GRID2: variants seen among roughly 807,000 people sequenced by gnomAD.
GRID2 encodes the protein glutamate ionotropic receptor delta type subunit 2.
GRID2 carries 33 observed loss-of-function variants against 114.8 expected under a neutral mutation model. That is an observed-to-expected ratio of 0.29 (90% CI 0.22 to 0.38). The LOEUF is 0.38. GRID2 is among the 10% of genes least tolerant of loss of function. The pLI is 1.00. For missense variants in GRID2, 1,184 were observed against 1,257.7 expected (o/e 0.94, Z 0.89); for synonymous variants, 505 against 449.9 (o/e 1.12, Z -1.55).
At chr4:93,415,345 T>C (rs1238797509) in intron 9 of GRID2, among the ~76,000 whole-genome samples, 1 of 152,146 alleles carries the variant, frequency 6.6e-6, no homozygotes, top group Non-Finnish European at 1.5e-5. Flanking sequence ...TGCATGTGGA[T>C]AGACACATGT....
At chr4:93,435,304 T>G (rs566754533) in intron 10 of GRID2, among the ~76,000 whole-genome samples, 1 of 152,332 alleles carries the variant, frequency 6.6e-6, no homozygotes, top group African/African-American at 2.4e-5. Flanking sequence ...CTCATTGCTC[T>G]TTAATAAAAT....
At chr4:92,959,433 T>G (rs1302122053) in intron 2 of GRID2, among the ~76,000 whole-genome samples, 1 of 151,962 alleles carries the variant, frequency 6.6e-6, no homozygotes, top group Non-Finnish European at 1.5e-5. Flanking sequence ...TGTTAAGATG[T>G]CTTCTTTGAC....
intron 14 of GRID2, among the ~76,000 whole-genome samples, chr4:93,702,921 A>C (rs1198279667): frequency 1.3e-5 from 2 of 152,102 alleles, no homozygotes; most frequent in African/African-American, 4.8e-5. Flanking sequence ...CAAGGAGAGG[A>C]ATAAAGAGTG....
At chr4:92,444,971 A>G (rs988233907) in intron 1 of GRID2, among the ~76,000 whole-genome samples, 11 of 152,116 alleles carry the variant, frequency 7.2e-5, no homozygotes, top group African/African-American at 2.4e-4. Flanking sequence ...CACGTATGCC[A>G]TATTTGTTTG....
At chr4:93,004,400 A>T (rs919931509) in intron 2 of GRID2, among the ~76,000 whole-genome samples, 3 of 151,906 alleles carry the variant, frequency 2.0e-5, no homozygotes, top group African/African-American at 7.2e-5. Context: ...CAGCCTAGCT[A>T]TATCTGTGCC....
intron 1 of GRID2, among the ~76,000 whole-genome samples, chr4:92,483,078 G>A (rs936182039): frequency 6.6e-6 from 1 of 152,102 alleles, no homozygotes; most frequent in South Asian, 2.1e-4. Flanking sequence ...AGTGGCTCAC[G>A]CTTGTAATCT....
At chr4:92,557,893 C>T (rs1047696438) in intron 1 of GRID2, among the ~76,000 whole-genome samples, 2 of 152,004 alleles carry the variant, frequency 1.3e-5, no homozygotes, top group Admixed American at 1.3e-4. Flanking sequence ...AACTTTTATG[C>T]CTTGACATTA....
At chr4:92,698,546 A>T (rs1393395069) in intron 2 of GRID2, among the ~76,000 whole-genome samples, 15 of 152,044 alleles carry the variant, frequency 9.9e-5, no homozygotes, top group Non-Finnish European at 2.1e-4. Flanking sequence ...TATATAATAT[A>T]TGCTCTTTAT....
chr4:92,690,587 G>A (rs530891378), intron 2 of GRID2, among the ~76,000 whole-genome samples: 311 of 152,240 alleles, frequency 2.0e-3, no homozygotes, highest in Middle Eastern at 3.4e-3. Context: ...TTTGCTTGAC[G>A]CAGGGTTGCC....
At chr4:93,687,731 T>C (rs547104298) in intron 14 of GRID2, among the ~76,000 whole-genome samples, 9 of 152,034 alleles carry the variant, frequency 5.9e-5, no homozygotes, top group African/African-American at 1.9e-4. Flanking sequence ...TTTAGGAGAA[T>C]TGTAGAAGAG....
At chr4:92,483,272 A>AG (rs1281308255) in intron 1 of GRID2, among the ~76,000 whole-genome samples, 1 of 152,154 alleles carries the variant, frequency 6.6e-6, no homozygotes, top group African/African-American at 2.4e-5. Flanking sequence ...TGAGAGGCAG[A>AG]GGTTGCAGTG....
At position 92,473,064 on chromosome 4, in the gene GRID2, G is replaced by C. The variant is rs762430863; in HGVS notation, c.89-117067G>C. Among the ~76,000 whole-genome samples the C allele has an allele frequency of 4.6e-5, 7 of 151,958 alleles. No homozygotes were observed. The East Asian group carries it at 1.2e-3, about 25-fold the overall frequency. On this transcript the variant is annotated intron_variant, in intron 1 of 15. Coordinates refer to ENST00000282020, the MANE Select transcript of GRID2 (RefSeq NM_001510.4). ...AATGTTTAGCTCTGTGAATGATTTTGGGTTATTTTTGCATATCTTATGAGT... is the reference window on the plus strand; with the variant it reads ...AATGTTTAGCTCTGTGAATGATTTTCGGTTATTTTTGCATATCTTATGAGT...
chr4:92,517,574 G>A (rs760245714), intron 1 of GRID2, among the ~76,000 whole-genome samples: 59 of 151,880 alleles, frequency 3.9e-4, no homozygotes, highest in African/African-American at 9.6e-5. Context: ...TCCTTTTAAC[G>A]TATATGAACA....
intron 12 of GRID2, among the ~76,000 whole-genome samples, chr4:93,493,436 G>A (rs565742194): frequency 3.4e-4 from 51 of 151,908 alleles, no homozygotes; most frequent in African/African-American, 1.1e-3. Context: ...AAGAAACAGA[G>A]TTTGGAAGAT....
intron 1 of GRID2, among the ~76,000 whole-genome samples, chr4:92,469,129 C>T (rs531667300): frequency 6.6e-6 from 1 of 152,208 alleles, no homozygotes; most frequent in South Asian, 2.1e-4. Flanking sequence ...ACTTCACTTT[C>T]CAAAAATCTT....
At chr4:93,182,490 C>T (rs1312200262) in intron 4 of GRID2, among the ~76,000 whole-genome samples, 1 of 152,106 alleles carries the variant, frequency 6.6e-6, no homozygotes, top group Non-Finnish European at 1.5e-5. Flanking sequence ...CAAAAATAGT[C>T]ATATAGGCAA....
chr4:92,595,087 A>T (rs1056296433), intron 2 of GRID2, among the ~76,000 whole-genome samples: 1 of 152,022 alleles, frequency 6.6e-6, no homozygotes, highest in Non-Finnish European at 1.5e-5. Flanking sequence ...GATTCAGCTA[A>T]ACAATTTTGA....
chr4:93,073,446 A>C (rs1511295), intron 2 of GRID2, among the ~76,000 whole-genome samples: 57,364 of 152,004 alleles, frequency 0.38, 11,248 homozygotes, highest in Admixed American at 0.54. Flanking sequence ...AGTGTATGAA[A>C]TATGTGTTAA....
chr4:92,331,874 T>A (rs747180550), intron 1 of GRID2, among the ~76,000 whole-genome samples: 1 of 152,202 alleles, frequency 6.6e-6, no homozygotes, highest in Non-Finnish European at 1.5e-5. Flanking sequence ...AGCATTATTT[T>A]CCCCTACCTC....
Sources: gnomAD v4.1 joint callset for allele counts (sites outside exome capture counted in the v4.1 genomes callset) on GRCh38, gnomAD v4.1.1 for gene constraint, MANE v1.5 for transcripts, NCBI Gene and HGNC (gene_info 2026-07-23, HGNC 2026-07-21) for gene names.